SH3BP4: variants seen among roughly 807,000 people sequenced by gnomAD.
SH3BP4 encodes the protein SH3 domain binding protein 4.
SH3BP4 carries 33 observed loss-of-function variants against 65.5 expected under a neutral mutation model. The observed-to-expected ratio is 0.50, with a 90% confidence interval of 0.38 to 0.67. The LOEUF is 0.67. Ranked by LOEUF, SH3BP4 falls within the 30% of genes least tolerant of loss-of-function variation. SH3BP4 has a pLI of 0.00. For missense variants in SH3BP4, 1,134 were observed against 1,261.4 expected, an observed-to-expected ratio of 0.90 and a Z score of 1.53; for synonymous variants, 552 against 545.5, an observed-to-expected ratio of 1.01 and a Z score of -0.17.
chr2:235,026,817 G>T lies in SH3BP4; in HGVS notation c.-132-8054G>T, dbSNP rs558276694. The stretch of plus-strand genomic sequence containing the variant: ...TGTTTAGGGAAATGCACCCAGAGGG[G>T]CACTGTGAGTGAGTCTGATCGGCTG... On this transcript the variant is annotated intron_variant, in intron 2 of 5. Coordinates refer to ENST00000392011, the MANE Select transcript of SH3BP4 (RefSeq NM_014521.3). This position sits in a 1 kb window ranked among gnomAD's most constrained non-coding sequence, Gnocchi z 4.6. 6.6e-6 allele frequency among the ~76,000 whole-genome samples: 1 copy of T among 152,226 alleles called. No homozygotes were observed. Among genetic ancestry groups the T allele is most frequent in the Non-Finnish European group, 1.5e-5 (1 of 68,022 alleles).
At chr2:235,025,652 G>C (rs577018851) in intron 2 of SH3BP4, among the ~76,000 whole-genome samples, 6 of 152,192 alleles carry the variant, frequency 3.9e-5, no homozygotes, top group Non-Finnish European at 7.3e-5. Flanking sequence ...CAGCTTTCAA[G>C]GAAACGAGTG....
intron 3 of SH3BP4, among the ~76,000 whole-genome samples, chr2:235,036,551 C>T (rs192673062): frequency 0.018 from 2,685 of 151,818 alleles, 86 homozygotes; most frequent in African/African-American, 0.061. Flanking sequence ...GTCAGGAGTT[C>T]GAGACCAGCC....
chr2:235,014,010 G>A (rs1182079329), intron 2 of SH3BP4, among the ~76,000 whole-genome samples: 1 of 151,818 alleles, frequency 6.6e-6, no homozygotes, highest in Non-Finnish European at 1.5e-5. Flanking sequence ...TGTGTATTAT[G>A]TACTATTGTT....
chr2:234,975,092 C>T (rs1559228519), intron 1 of SH3BP4, among the ~76,000 whole-genome samples: 1 of 152,160 alleles, frequency 6.6e-6, no homozygotes, highest in Admixed American at 6.5e-5. Context: ...TCTCTGGGTT[C>T]GTTTGGTGCC....
chr2:234,975,034 C>T (rs1693128613), intron 1 of SH3BP4, among the ~76,000 whole-genome samples: 1 of 152,220 alleles, frequency 6.6e-6, no homozygotes, highest in South Asian at 2.1e-4. Flanking sequence ...CCTTGCAATT[C>T]TCGGAGTTTC....
intron 2 of SH3BP4, among the ~76,000 whole-genome samples, chr2:235,020,851 C>T (rs1694827941): frequency 2.6e-5 from 4 of 152,176 alleles, no homozygotes; most frequent in Admixed American, 2.6e-4. Context: ...TGTCCTGAGC[C>T]TCCCAGCTGG....
rs1285285786 is a variant in SH3BP4, at chr2:234,998,346, T to TACAA, written c.-133+2970_-133+2971insACAA. 6.9e-4 allele frequency among the ~76,000 whole-genome samples: 105 copies of TACAA among 152,282 alleles called. No homozygotes were observed. The East Asian group carries it at 0.018, about 27-fold the overall frequency. On this transcript the variant is annotated intron_variant, in intron 2 of 5. Coordinates refer to ENST00000392011, the MANE Select transcript of SH3BP4 (RefSeq NM_014521.3). The stretch of plus-strand genomic sequence containing the variant: ...AATGAACAGGTAAACATAATTTTTT[T>TACAA]TCTTGGGATTGTAAATTCACACGAC...
chr2:235,003,633 G>C (rs1324345681), intron 2 of SH3BP4, among the ~76,000 whole-genome samples: 1 of 152,164 alleles, frequency 6.6e-6, no homozygotes, highest in Non-Finnish European at 1.5e-5. Context: ...ACCTCTGTTG[G>C]GCCTTAGTTT....
intron 4 of SH3BP4, among the ~76,000 whole-genome samples, chr2:235,051,795 C>A (rs566674966): frequency 6.6e-6 from 1 of 152,234 alleles, no homozygotes; most frequent in East Asian, 1.9e-4. Context: ...ATGTCAGCAC[C>A]GCACACTCAG....
Position 234,991,641 on chromosome 2 carries a change from C to G in SH3BP4, c.-206-3662C>G, listed in dbSNP as rs1693750628. Among the ~76,000 whole-genome samples, 1 of 152,196 alleles carries G rather than the reference C, an allele frequency of 6.6e-6. No homozygotes were observed. The highest frequency in any genetic ancestry group is 1.5e-5 in the Non-Finnish European group (1 of 68,036). ...GGTCCACACTGGTGTCTGGTGGTGC[C>G]CACAGGAGAACAGTGCTTGACTGAA... On this transcript the variant is annotated intron_variant, in intron 1 of 5. Transcript: ENST00000392011. The surrounding 1 kb of genome is among the most constrained non-coding windows in gnomAD (Gnocchi z 4.2).
intron 2 of SH3BP4, among the ~76,000 whole-genome samples, chr2:235,007,979 G>A (rs1191744795): frequency 5.3e-5 from 8 of 152,198 alleles, no homozygotes; most frequent in Admixed American, 1.3e-4. Context: ...AGGACCAGCC[G>A]TTGGGGGTGG....
rs1054446822 is a variant in SH3BP4 at position 234,997,840 on chromosome 2, A to C, written c.-133+2464A>C. On this transcript the variant is annotated intron_variant, in intron 2 of 5. Coordinates refer to ENST00000392011, the MANE Select transcript of SH3BP4 (RefSeq NM_014521.3). This position sits in a 1 kb window ranked among gnomAD's most constrained non-coding sequence, Gnocchi z 4.2. ...CAGAGGGTGATTAAGAAGAATCAGA[A>C]GACTGGGTGCGGTGGCTCATGCCTG... Among the ~76,000 whole-genome samples the C allele has an allele frequency of 2.6e-5, 4 of 152,206 alleles. No individual in the cohort carries two copies. Among genetic ancestry groups the C allele is most frequent in the African/African-American group, 9.6e-5 (4 of 41,460 alleles).
rs1302331214 is a variant in SH3BP4 at position 235,038,271 on chromosome 2, ATAATATATAT to A, written c.119-2614_119-2605del. On this transcript the variant is annotated intron_variant, in intron 3 of 5. Coordinates refer to ENST00000392011, the MANE Select transcript of SH3BP4 (RefSeq NM_014521.3). ...ATATTATATATAATATATATTATAT[ATAATATATAT>A]TATATATAATATATATATTATATAT... is the stretch of plus-strand genomic sequence containing the variant. 4.7e-3 allele frequency among the ~76,000 whole-genome samples: 100 copies of A among 21,450 alleles called. 3 individuals carry two copies. The highest frequency in any genetic ancestry group is 0.042 in the African/African-American group (89 of 2,134). The allele number at this position is 21,450 out of a possible 152,430, so 14.1% of individuals were successfully genotyped here. A position where few individuals can be genotyped will look rare whatever the true frequency, so the allele number is the denominator to read the frequency against.
chr2:235,043,807 C>T (rs1404868837), intron 4 of SH3BP4, among the ~76,000 whole-genome samples: 5 of 152,208 alleles, frequency 3.3e-5, no homozygotes, highest in Admixed American at 6.5e-5. Context: ...GCTGATGTCC[C>T]GCTGCCTGGG....
At chr2:235,021,478 C>G (rs1694843614) in intron 2 of SH3BP4, among the ~76,000 whole-genome samples, 1 of 151,696 alleles carries the variant, frequency 6.6e-6, no homozygotes, top group Non-Finnish European at 1.5e-5. Flanking sequence ...AAAATATTAG[C>G]CAGATATGGT....
intron 4 of SH3BP4, among the ~76,000 whole-genome samples, chr2:235,051,283 C>G (rs574210312): frequency 6.6e-5 from 10 of 152,324 alleles, no homozygotes; most frequent in African/African-American, 2.4e-4. Context: ...GTGTACAGGA[C>G]TAGCAGGCCT....
chr2:235,045,649 C>T lies in SH3BP4; in HGVS notation c.2478+2402C>T, dbSNP rs1050178273. On this transcript the variant is annotated intron_variant, in intron 4 of 5. Transcript: ENST00000392011. This position sits in a 1 kb window ranked among gnomAD's most constrained non-coding sequence, Gnocchi z 4.3. ...ACACCTGTGTCAGTCATCATCTTGGCCAAACTTATAGAAACCACAGACGGA... is the reference window on the plus strand; with the variant it reads ...ACACCTGTGTCAGTCATCATCTTGGTCAAACTTATAGAAACCACAGACGGA... 5.6e-5 allele frequency among the ~76,000 whole-genome samples: 8 copies of T among 141,716 alleles called. No homozygotes were observed. Among genetic ancestry groups the T allele is most frequent in the Admixed American group, 4.2e-4 (6 of 14,420 alleles). The allele number at this position is 141,716 out of a possible 152,430, so 93.0% of individuals were successfully genotyped here.
chr2:234,989,007 G>A (rs559291169), intron 1 of SH3BP4, among the ~76,000 whole-genome samples: 2 of 152,280 alleles, frequency 1.3e-5, no homozygotes, highest in South Asian at 2.1e-4. Flanking sequence ...GCCCAAATAC[G>A]TTGTCAGTGT....
chr2:235,011,241 T>C (rs1235693245), intron 2 of SH3BP4, among the ~76,000 whole-genome samples: 4 of 122,178 alleles, frequency 3.3e-5, no homozygotes, highest in African/African-American at 1.0e-4. Context: ...GAACCCTTCC[T>C]CTCTCTCCTA....
Sources: gnomAD v4.1 joint callset for allele counts (sites outside exome capture counted in the v4.1 genomes callset) on GRCh38, gnomAD v4.1.1 for gene constraint, Gnocchi (gnomAD v3.1) non-coding constraint, MANE v1.5 for transcripts, NCBI Gene and HGNC (gene_info 2026-07-23, HGNC 2026-07-21) for gene names.